ZNF536: variants seen among roughly 807,000 people sequenced by gnomAD.
ZNF536 encodes the protein zinc finger protein 536.
In ZNF536, 13 loss-of-function variants were observed where a neutral mutation model predicts 84.5. The ratio of observed to expected loss-of-function variants is 0.15; its 90% confidence interval spans 0.10 to 0.24. The LOEUF is 0.24. Ranked by LOEUF, ZNF536 falls within the 10% of genes least tolerant of loss-of-function variation. The pLI, the probability that ZNF536 is intolerant of heterozygous loss-of-function variation, is 1.00. For synonymous variants in ZNF536, 811 were observed against 742.5 expected, an observed-to-expected ratio of 1.09 and a Z score of -1.50; for missense variants, 1,536 against 1,747.5, an observed-to-expected ratio of 0.88 and a Z score of 2.16.
intron 1 of ZNF536, among the ~76,000 whole-genome samples, chr19:30,701,237 A>G (rs940977974): frequency 1.8e-4 from 27 of 151,866 alleles, no homozygotes; most frequent in Non-Finnish European, 3.1e-4. Flanking sequence ...ACACAGACAC[A>G]CACAAACACA....
intron 2 of ZNF536, among the ~76,000 whole-genome samples, chr19:30,512,409 C>T (rs2055450421): frequency 6.6e-6 from 1 of 152,152 alleles, no homozygotes; most frequent in African/African-American, 2.4e-5. Flanking sequence ...TCTGGTGCTC[C>T]TGTTTACTCT....
intron 1 of ZNF536, among the ~76,000 whole-genome samples, chr19:30,693,336 C>T (rs1442189322): frequency 6.6e-6 from 1 of 152,006 alleles, no homozygotes; most frequent in African/African-American, 2.4e-5. Context: ...AGGTTTTTTT[C>T]CCCCTCCCCC....
intron 2 of ZNF536, among the ~76,000 whole-genome samples, chr19:30,318,147 G>A (rs2046741040): frequency 6.6e-6 from 1 of 152,072 alleles, no homozygotes; most frequent in Non-Finnish European, 1.5e-5. Flanking sequence ...AAACCATCTT[G>A]GCCAGTTTCC....
intron 1 of ZNF536, among the ~76,000 whole-genome samples, chr19:30,406,151 G>C (rs2147604465): frequency 6.6e-6 from 1 of 152,330 alleles, no homozygotes; most frequent in East Asian, 1.9e-4. Flanking sequence ...CTAGAAGTAT[G>C]TGCATTGTTC....
intron 2 of ZNF536, among the ~76,000 whole-genome samples, chr19:30,529,946 G>T (rs2044736489): frequency 6.6e-6 from 1 of 152,190 alleles, no homozygotes; most frequent in African/African-American, 2.4e-5. Flanking sequence ...AGAAACAAGG[G>T]CCACAGGAGC....
chr19:30,242,017 A>G (rs2023973444), intron 1 of ZNF536, among the ~76,000 whole-genome samples: 1 of 152,038 alleles, frequency 6.6e-6, no homozygotes, highest in African/African-American at 2.4e-5. Flanking sequence ...TGCATGGGGA[A>G]GGGGACATCT....
chr19:30,393,051 G>A (rs2049666355), intron 1 of ZNF536, among the ~76,000 whole-genome samples: 1 of 152,172 alleles, frequency 6.6e-6, no homozygotes, highest in Admixed American at 6.5e-5. Flanking sequence ...GTGTGAAGCT[G>A]TCTCTGGGGA....
At chr19:30,589,809 A>T (rs2047216253) in intron 1 of ZNF536, among the ~76,000 whole-genome samples, 2 of 152,130 alleles carry the variant, frequency 1.3e-5, no homozygotes, top group African/African-American at 2.4e-5. Flanking sequence ...ACCCTCTGGC[A>T]CTTCCAGCCT....
At chr19:30,327,380 G>A (rs2047074042) in intron 2 of ZNF536, among the ~76,000 whole-genome samples, 1 of 152,172 alleles carries the variant, frequency 6.6e-6, no homozygotes, top group Non-Finnish European at 1.5e-5. Flanking sequence ...CTTCCTCTGA[G>A]AATCCAGGCT....
At chr19:30,373,341 A>G (rs2048685480) in intron 1 of ZNF536, among the ~76,000 whole-genome samples, 1 of 151,852 alleles carries the variant, frequency 6.6e-6, no homozygotes, top group South Asian at 2.1e-4. Flanking sequence ...GAGGTAAGGC[A>G]GGGCTGACAC....
intron 2 of ZNF536, among the ~76,000 whole-genome samples, chr19:30,506,335 T>C (rs1037645591): frequency 1.3e-5 from 2 of 152,182 alleles, no homozygotes; most frequent in African/African-American, 4.8e-5. Context: ...TTCATCTCCT[T>C]TGACAATGAT....
rs571703317 is a variant in ZNF536 at position 30,682,050 on chromosome 19, G to C, written c.170-28707G>C. ...AGCTTAGCAGGGTAGGGGGACAAGA[G>C]AAAGAGGCCTGTATTGCCTTTATGG... On this transcript the variant is annotated intron_variant, in intron 1 of 1. Transcript: ENST00000592773. 3.3e-5 allele frequency among the ~76,000 whole-genome samples: 5 copies of C among 152,310 alleles called. No individual in the cohort carries two copies. The South Asian group carries it at 1.0e-3, about 32-fold the overall frequency.
At chr19:30,645,496 G>T (rs906471583) in intron 1 of ZNF536, among the ~76,000 whole-genome samples, 1 of 152,080 alleles carries the variant, frequency 6.6e-6, no homozygotes, top group Non-Finnish European at 1.5e-5. Context: ...GACTATTATA[G>T]GACACTCCTG....
chr19:30,373,997 G>A (rs1372458306), intron 1 of ZNF536, among the ~76,000 whole-genome samples: 1 of 152,150 alleles, frequency 6.6e-6, no homozygotes, highest in African/African-American at 2.4e-5. Flanking sequence ...TGCCCGATTC[G>A]CTCTTTGCAA....
chr19:30,275,145 G>A (rs1047644885), intron 1 of ZNF536, among the ~76,000 whole-genome samples: 1 of 152,178 alleles, frequency 6.6e-6, no homozygotes, highest in Non-Finnish European at 1.5e-5. Context: ...GAGCCTGCCA[G>A]GCACTGACTG....
intron 1 of ZNF536, among the ~76,000 whole-genome samples, chr19:30,609,299 G>A (rs976246347): frequency 6.6e-6 from 1 of 152,138 alleles, no homozygotes; most frequent in East Asian, 1.9e-4. Context: ...ATATGATTCA[G>A]GGAAACCCAC....
At chr19:30,406,173 C>A (rs1244584390) in intron 1 of ZNF536, among the ~76,000 whole-genome samples, 2 of 152,126 alleles carry the variant, frequency 1.3e-5, no homozygotes, top group Non-Finnish European at 2.9e-5. Context: ...ATGTGCAGGG[C>A]ACATGGGAGA....
At chr19:30,328,085 C>G (rs934007695) in intron 2 of ZNF536, among the ~76,000 whole-genome samples, 12 of 152,088 alleles carry the variant, frequency 7.9e-5, no homozygotes, top group Non-Finnish European at 1.3e-4. Flanking sequence ...GGGCAGAAAC[C>G]CTCGATTCAC....
At chr19:30,327,111 CT>C (rs1323959945) in intron 2 of ZNF536, among the ~76,000 whole-genome samples, 1 of 152,068 alleles carries the variant, frequency 6.6e-6, no homozygotes, top group East Asian at 1.9e-4. Flanking sequence ...GAGAAAAACC[CT>C]GCCTCTAAAA....
Sources: allele counts gnomAD v4.1 joint callset (sites outside exome capture counted in the v4.1 genomes callset), GRCh38; gene constraint gnomAD v4.1.1; transcripts MANE v1.5; gene names NCBI Gene and HGNC (gene_info 2026-07-23, HGNC 2026-07-21).